The following C5 variants were observed in gnomAD, a reference collection of about 807,000 sequenced individuals.
C5 encodes complement C5, also known as C3 and PZP-like alpha-2-macroglobulin domain-containing protein 4.
C5 carries 140 observed loss-of-function variants against 218.8 expected under a neutral mutation model. The ratio of observed to expected loss-of-function variants is 0.64; its 90% CI spans 0.56 to 0.74. The LOEUF (loss-of-function observed/expected upper bound fraction) is 0.74, where lower values mean the gene tolerates loss of function less well. Ranked by LOEUF, C5 falls within the 30% of genes least tolerant of loss-of-function variation. The probability of loss-of-function intolerance (pLI) is 0.00; values close to 1 mark genes in which losing one functional copy is unlikely to be tolerated. For synonymous variants in C5, 614 were observed against 682.3 expected (o/e 0.90, Z 1.56); for missense variants, 1,700 against 1,969.6 (o/e 0.86, Z 2.59).
chr9:121,000,032 C>T, intron 20 of C5: 2 of 313,834 alleles, frequency 6.4e-6, no homozygotes, highest in Non-Finnish European at 1.2e-5. Flanking sequence ...GCACTCCAGC[C>T]TGGGCGACAG....
intron 30 of C5, 61 bp from the exon 31 acceptor site, chr9:120,972,053 T>C: frequency 1.4e-6 from 2 of 1,416,950 alleles, no homozygotes; most frequent in East Asian, 2.3e-5. Flanking sequence ...GGAGGGAGGA[T>C]AGAGCTATGA....
chr9:120,978,551 T>C (rs894056199), intron 28 of C5, among the ~76,000 whole-genome samples: 1 of 152,216 alleles, frequency 6.6e-6, no homozygotes, highest in African/African-American at 2.4e-5. Flanking sequence ...ATCGTACAAG[T>C]GGTTTTGAGG....
In C5 at chr9:120,970,152, A is replaced by C. The variant is rs780147018; in HGVS notation, c.4162+18T>G. The C allele has an allele frequency of 6.4e-7, 1 of 1,561,040 alleles. No individual in the cohort carries two copies. Among genetic ancestry groups the C allele is most frequent in the Non-Finnish European group, 8.8e-7 (1 of 1,131,994 alleles). On this transcript the variant is annotated intron_variant, in intron 32 of 40. Coordinates refer to ENST00000223642, the MANE Select transcript of C5 (RefSeq NM_001735.3). ...TTATTTTTAGCCAAAATTACAGCGT[A>C]AATCCTGCTGTTTTTACCTTCAATA...
At chr9:121,035,813 C>T (rs372588641) in intron 4 of C5, among the ~76,000 whole-genome samples, 1 of 151,888 alleles carries the variant, frequency 6.6e-6, no homozygotes, top group African/African-American at 2.4e-5. Flanking sequence ...TGAGCTCAAG[C>T]AATCCTCCCA....
intron 24 of C5, 41 bp from the exon 25 acceptor site, chr9:120,989,162 T>C: frequency 1.3e-6 from 2 of 1,483,284 alleles, no homozygotes; most frequent in Non-Finnish European, 1.9e-6. Context: ...TTAACAGACC[T>C]CCGTTTCTAC....
At chr9:121,018,762 G>A (rs867717886) in intron 12 of C5, among the ~76,000 whole-genome samples, 2,675 of 142,862 alleles carry the variant, frequency 0.019, 78 homozygotes, top group African/African-American at 0.049. Context: ...AGGAAGGAAG[G>A]AAGGAAGGAA....
intron 33 of C5, among the ~76,000 whole-genome samples, chr9:120,968,358 C>A (rs1431617050): frequency 3.9e-5 from 6 of 152,160 alleles, no homozygotes; most frequent in Non-Finnish European, 8.8e-5. Flanking sequence ...CAGGTAGCCT[C>A]TAGAATCTGG....
chr9:121,058,234 A>AG, the C5 span, among the ~76,000 whole-genome samples: 1 of 152,206 alleles, frequency 6.6e-6, no homozygotes, highest in South Asian at 2.1e-4. Flanking sequence ...ACCATGCAGA[A>AG]GGGTGTTATT....
At chr9:120,967,612 G>C (rs1397957592) in intron 33 of C5, among the ~76,000 whole-genome samples, 1 of 152,160 alleles carries the variant, frequency 6.6e-6, no homozygotes, top group Non-Finnish European at 1.5e-5. Context: ...AAAGAACAGG[G>C]AAGAAGTCTG....
At chr9:121,042,327 T>C (rs574577185) in intron 3 of C5, among the ~76,000 whole-genome samples, 1 of 152,354 alleles carries the variant, frequency 6.6e-6, no homozygotes, top group Admixed American at 6.5e-5. Flanking sequence ...TATTCTGCCC[T>C]TTTGCCTCTA....
At chr9:121,038,769 T>C (rs1341995775) in intron 3 of C5, among the ~76,000 whole-genome samples, 1 of 152,198 alleles carries the variant, frequency 6.6e-6, no homozygotes, top group Non-Finnish European at 1.5e-5. Flanking sequence ...CCAGTATCTT[T>C]TAAAAGATCA....
the C5 span, among the ~76,000 whole-genome samples, chr9:121,064,481 G>T: frequency 6.6e-6 from 1 of 152,130 alleles, no homozygotes; most frequent in African/African-American, 2.4e-5. Flanking sequence ...TTTCATCTGT[G>T]ATAGAATTAT....
chr9:121,026,351 G>T (rs1587988378), intron 8 of C5, among the ~76,000 whole-genome samples: 1 of 152,234 alleles, frequency 6.6e-6, no homozygotes, highest in African/African-American at 2.4e-5. Flanking sequence ...CCTAAACTAT[G>T]GACAAATAAC....
chr9:120,961,927 A>G (rs1451235451), intron 36 of C5, among the ~76,000 whole-genome samples: 2 of 152,158 alleles, frequency 1.3e-5, no homozygotes, highest in Non-Finnish European at 2.9e-5. Flanking sequence ...GTATCTCTAT[A>G]TATCTATCTC....
intron 19 of C5, 24 bp from the exon 20 acceptor site, chr9:121,006,082 G>T (rs778158988): frequency 6.2e-7 from 1 of 1,612,104 alleles, no homozygotes; most frequent in Non-Finnish European, 8.5e-7. Context: ...TGGAAGCAAA[G>T]TAGAATCATA....
chr9:121,073,843 C>G, the C5 span, among the ~76,000 whole-genome samples: 1 of 152,028 alleles, frequency 6.6e-6, no homozygotes, highest in African/African-American at 2.4e-5. Context: ...ATCAGGAAAA[C>G]TGTAGGAAGT....
chr9:121,053,387 A>C (rs566351530), upstream of C5, among the ~76,000 whole-genome samples: 1 of 152,288 alleles, frequency 6.6e-6, no homozygotes, highest in Admixed American at 6.5e-5. Context: ...GTAACTCTCC[A>C]TGGGATATAG....
Position 120,969,112 on chromosome 9 carries a change from T to A in C5, c.4169A>T (p.His1390Leu), listed in dbSNP as rs768406772. 11 of 1,613,798 alleles carry A rather than the reference T, an allele frequency of 6.8e-6. No homozygotes were observed. In the South Asian group the frequency reaches 1.2e-4, roughly 18 times the overall value. ...KIDTQDIEAS[H>L]YRGYGNSDYK... ...ATCAGAGTTTCCGTAGCCTCTGTAG[T>A]GGGATGCTGGCACATAAGACAAGAA... is the stretch of plus-strand genomic sequence containing the variant. Residue 1390 changes from histidine (H) to leucine (L), a missense_variant, in exon 33 of 41, where the codon CAC (histidine) becomes CTC (leucine). His to Leu is a moderately conservative substitution (Grantham distance 99). Coordinates refer to ENST00000223642, the MANE Select transcript of C5 (RefSeq NM_001735.3).
intron 22 of C5, among the ~76,000 whole-genome samples, chr9:120,992,570 G>A (rs1017771380): frequency 3.9e-5 from 6 of 152,138 alleles, no homozygotes; most frequent in African/African-American, 1.2e-4. Context: ...TTTCTCCATT[G>A]AAACCTGCTC....
Sources: gnomAD v4.1 joint callset for allele counts (sites outside exome capture counted in the v4.1 genomes callset) on GRCh38, gnomAD v4.1.1 for gene constraint, MANE v1.5 for transcripts, NCBI Gene and HGNC (gene_info 2026-07-23, HGNC 2026-07-21) for gene names.